NRG1: variants seen among roughly 807,000 people sequenced by gnomAD.
NRG1 encodes the protein pro-neuregulin-1, membrane-bound isoform.
In NRG1, 18 loss-of-function variants were observed where a neutral mutation model predicts 63.8. That is an observed-to-expected ratio of 0.28 (90% CI 0.19 to 0.42). The LOEUF is 0.42. Among genes scored for constraint, NRG1 ranks in the 10% least tolerant of loss-of-function variants. The probability of loss-of-function intolerance (pLI) is 1.00; values close to 1 mark genes in which losing one functional copy is unlikely to be tolerated. For synonymous variants in NRG1, 302 were observed against 301.3 expected, an observed-to-expected ratio of 1.00 and a Z score of -0.02; for missense variants, 762 against 814.7, an observed-to-expected ratio of 0.94 and a Z score of 0.79.
At chr8:32,203,190 T>C (rs1181788661) in intron 1 of NRG1, among the ~76,000 whole-genome samples, 43 of 13,600 alleles carry the variant, frequency 3.2e-3, no homozygotes, top group Middle Eastern at 0.071. Flanking sequence ...CAAGCCAGCT[T>C]TTTTTTTTTT....
At chr8:32,667,389 A>G (rs1359958243) in intron 5 of NRG1, among the ~76,000 whole-genome samples, 1 of 152,022 alleles carries the variant, frequency 6.6e-6, no homozygotes, top group African/African-American at 2.4e-5. Flanking sequence ...GGTTACTTCC[A>G]CCTCTTAACC....
intron 1 of NRG1, among the ~76,000 whole-genome samples, chr8:32,494,645 C>T (rs192444453): frequency 6.6e-6 from 1 of 152,248 alleles, no homozygotes; most frequent in Admixed American, 6.5e-5. Context: ...GCTAAATGGA[C>T]AGTTGGAGAC....
At position 31,952,720 on chromosome 8, in the gene NRG1, A is replaced by G. The variant is rs561169028; in HGVS notation, c.37+313289A>G. ...GACATCTAATGAACAGGTGGCTGGT[A>G]CATTCCTGGAGTTTTGCCCTTGTCA... On this transcript the variant is annotated intron_variant, in intron 1 of 10. Transcript: ENST00000519301. 8.5e-5 allele frequency among the ~76,000 whole-genome samples: 13 copies of G among 152,358 alleles called. No individual in the cohort carries two copies. In the East Asian group the frequency reaches 2.3e-3, roughly 27 times the overall value.
chr8:32,591,666 T>G (rs766450416), intron 1 of NRG1, among the ~76,000 whole-genome samples: 12 of 152,222 alleles, frequency 7.9e-5, no homozygotes, highest in Non-Finnish European at 1.5e-4. Context: ...GTAATGTTAT[T>G]ATTAATTAAA....
At chr8:32,353,176 T>A (rs1805864828) in intron 1 of NRG1, among the ~76,000 whole-genome samples, 1 of 150,452 alleles carries the variant, frequency 6.6e-6, no homozygotes, top group Admixed American at 6.6e-5. Context: ...CTATAAAAAT[T>A]AAAATAGCAT....
chr8:32,764,171 C>A (rs1334326153), exon 12 of NRG1: 1 of 1,614,106 alleles, frequency 6.2e-7, no homozygotes, highest in Non-Finnish European at 8.5e-7. Context: ...AAGTGGACAG[C>A]AACACAAGCT....
chr8:32,413,540 G>A (rs974179749), intron 1 of NRG1, among the ~76,000 whole-genome samples: 2 of 152,256 alleles, frequency 1.3e-5, no homozygotes, highest in African/African-American at 2.4e-5. Context: ...AGTGGCTCAC[G>A]CCTGTAATCT....
chr8:31,963,957 A>G (rs113569615), intron 1 of NRG1, among the ~76,000 whole-genome samples: 8 of 152,232 alleles, frequency 5.3e-5, no homozygotes, highest in African/African-American at 1.9e-4. Context: ...CAGGTAGAAA[A>G]TGTATTGGAG....
chr8:32,301,881 A>G (rs995371042), intron 1 of NRG1, among the ~76,000 whole-genome samples: 3 of 152,166 alleles, frequency 2.0e-5, no homozygotes, highest in African/African-American at 7.2e-5. Flanking sequence ...AAACCATATC[A>G]GGCCCACTTT....
At chr8:32,051,832 A>G (rs183098058) in intron 1 of NRG1, among the ~76,000 whole-genome samples, 6 of 152,302 alleles carry the variant, frequency 3.9e-5, no homozygotes, top group Non-Finnish European at 8.8e-5. Context: ...GTGACCTACT[A>G]CATAGTTTTG....
chr8:32,101,478 A>ATT (rs35098830), intron 1 of NRG1, among the ~76,000 whole-genome samples: 7 of 140,220 alleles, frequency 5.0e-5, no homozygotes, highest in African/African-American at 1.8e-4. Flanking sequence ...TAGAAAGCAG[A>ATT]TTTTTTTTTT....
chr8:32,251,205 C>T (rs775787577), intron 1 of NRG1, among the ~76,000 whole-genome samples: 23 of 152,084 alleles, frequency 1.5e-4, no homozygotes, highest in African/African-American at 4.3e-4. Flanking sequence ...TATCCCTCCC[C>T]GCTCCCCCCA....
chr8:32,404,975 A>G (rs1472768625), intron 1 of NRG1, among the ~76,000 whole-genome samples: 1 of 152,176 alleles, frequency 6.6e-6, no homozygotes, highest in Non-Finnish European at 1.5e-5. Context: ...AGGATGAGCA[A>G]AAAGCTCTTT....
intron 1 of NRG1, among the ~76,000 whole-genome samples, chr8:31,858,155 C>A (rs531437899): frequency 1.3e-5 from 2 of 151,964 alleles, no homozygotes; most frequent in South Asian, 4.1e-4. Flanking sequence ...AAAAATTAGT[C>A]GGGCATGGTG....
At chr8:32,685,013 T>C (rs1809711554) in intron 5 of NRG1, among the ~76,000 whole-genome samples, 1 of 152,126 alleles carries the variant, frequency 6.6e-6, no homozygotes, top group Non-Finnish European at 1.5e-5. Flanking sequence ...TTGTCCATTT[T>C]CCCCAATGGT....
chr8:32,101,697 C>T (rs538940249), intron 1 of NRG1, among the ~76,000 whole-genome samples: 14 of 152,156 alleles, frequency 9.2e-5, no homozygotes, highest in Admixed American at 2.0e-4. Context: ...AGAAATAGCA[C>T]GCTAGTTGCG....
At chr8:31,883,543 A>T (rs1024110556) in intron 1 of NRG1, among the ~76,000 whole-genome samples, 1 of 152,132 alleles carries the variant, frequency 6.6e-6, no homozygotes, top group Non-Finnish European at 1.5e-5. Flanking sequence ...GCTGTTTCAA[A>T]AGTGTTCCTT....
intron 1 of NRG1, among the ~76,000 whole-genome samples, chr8:31,998,067 G>C (rs917215844): frequency 2.0e-5 from 3 of 151,886 alleles, no homozygotes; most frequent in African/African-American, 7.2e-5. Flanking sequence ...ATAGGGCCTG[G>C]GGTGAGTTTC....
intron 1 of NRG1, among the ~76,000 whole-genome samples, chr8:31,940,886 G>C (rs1801646437): frequency 6.6e-6 from 1 of 151,938 alleles, no homozygotes; most frequent in African/African-American, 2.4e-5. Flanking sequence ...ATAACAACCT[G>C]CAAGATTGAA....
Sources: gnomAD v4.1 joint callset for allele counts (sites outside exome capture counted in the v4.1 genomes callset) on GRCh38, gnomAD v4.1.1 for gene constraint, MANE v1.5 for transcripts, NCBI Gene and HGNC (gene_info 2026-07-23, HGNC 2026-07-21) for gene names.